KDM3A: variants seen among roughly 807,000 people sequenced by gnomAD.
KDM3A encodes lysine-specific demethylase 3A.
Under a neutral mutation model 158.0 loss-of-function variants are expected in KDM3A, and 60 were observed. The ratio of observed to expected loss-of-function variants is 0.38; its 90% CI spans 0.31 to 0.47. The LOEUF is 0.47. Ranked by LOEUF, KDM3A falls within the 20% of genes least tolerant of loss-of-function variation. KDM3A has a pLI of 0.99. For synonymous variants in KDM3A, 608 were observed against 549.3 expected (o/e 1.11, Z -1.49); for missense variants, 1,319 against 1,574.3 (o/e 0.84, Z 2.74).
At chr2:86,439,559 G>C (rs1225887710), upstream of KDM3A, among the ~76,000 whole-genome samples, 1 of 151,996 alleles carries the variant, frequency 6.6e-6, no homozygotes, top group Non-Finnish European at 1.5e-5. Flanking sequence ...AGGTTCAATA[G>C]AATTTTTCCC....
Position 86,455,138 on chromosome 2 carries a change from A to G in KDM3A, c.507A>G (p.Glu169=), listed in dbSNP as rs1672634957. Reference sequence around the variant, plus strand: ...CGGATAATCAGATTGTCAGTAAAGAATTTCAAGCTTTGATTGTGAAGCATT... The same window carrying G: ...CGGATAATCAGATTGTCAGTAAAGAGTTTCAAGCTTTGATTGTGAAGCATT... ...SLTDNQIVSK[E]FQALIVKHLD... is the part of the protein sequence containing the mutation. Residue 169 remains glutamate, a synonymous_variant, in exon 5 of 26, where the codon GAA becomes GAG. Coordinates refer to ENST00000312912, the MANE Select transcript of KDM3A (RefSeq NM_018433.6). 6.8e-6 allele frequency: 11 copies of G among 1,607,452 alleles called. No individual in the cohort carries two copies. Among genetic ancestry groups the G allele is most frequent in the South Asian group, 1.1e-5 (1 of 90,166 alleles).
chr2:86,442,359 A>G (rs1279253364), intron 2 of KDM3A, 126 bp downstream of exon 2: 6 of 869,234 alleles, frequency 6.9e-6, no homozygotes, highest in Non-Finnish European at 1.1e-5. Context: ...CTGAAGGTGC[A>G]GGAAGCTAGA....
upstream of KDM3A, among the ~76,000 whole-genome samples, chr2:86,438,722 T>C (rs191243820): frequency 6.6e-6 from 1 of 152,166 alleles, no homozygotes; most frequent in East Asian, 1.9e-4. Context: ...ATACCCCTAA[T>C]TCTAGTGTGC....
chr2:86,469,109 G>GT, intron 10 of KDM3A, among the ~76,000 whole-genome samples: 1 of 152,164 alleles, frequency 6.6e-6, no homozygotes, highest in Non-Finnish European at 1.5e-5. Context: ...GAGTAGGAGT[G>GT]TTTAAGGGAT....
rs141197543 is a variant in KDM3A at position 86,477,811 on chromosome 2, A to G, written c.1940-66A>G. 57 of 1,458,818 alleles carry G rather than the reference A, an allele frequency of 3.9e-5. No homozygotes were observed. In the East Asian group the frequency reaches 6.0e-4, roughly 15 times the overall value. The allele number at this position is 1,458,818 out of a possible 1,614,324, so 90.4% of individuals were successfully genotyped here. On this transcript the variant is annotated intron_variant, in intron 12 of 25. Coordinates refer to ENST00000312912, the MANE Select transcript of KDM3A (RefSeq NM_018433.6). Reference sequence around the variant, plus strand: ...ACAGGGAGGAATGACAATAACCCCTACCTTTCGTTTTTGGTTTCAGAAGCC... The same window carrying G: ...ACAGGGAGGAATGACAATAACCCCTGCCTTTCGTTTTTGGTTTCAGAAGCC...
chr2:86,465,161 A>G (rs1470482572), intron 9 of KDM3A, among the ~76,000 whole-genome samples: 1 of 152,198 alleles, frequency 6.6e-6, no homozygotes, highest in Non-Finnish European at 1.5e-5. Flanking sequence ...TTTTCTGGAG[A>G]AAGAACTCTA....
At chr2:86,472,328 T>C (rs902536860) in intron 11 of KDM3A, among the ~76,000 whole-genome samples, 1 of 152,172 alleles carries the variant, frequency 6.6e-6, no homozygotes, top group African/African-American at 2.4e-5. Context: ...CATATCTTGG[T>C]AAAAGAATAT....
intron 4 of KDM3A, among the ~76,000 whole-genome samples, chr2:86,453,429 G>A (rs1672553688): frequency 2.0e-5 from 3 of 152,106 alleles, no homozygotes; most frequent in African/African-American, 4.8e-5. Flanking sequence ...TTGGCATGTG[G>A]AAAAATTGGG....
rs777516495 is a variant in KDM3A, at chr2:86,464,107, A to G, written c.898A>G (p.Ile300Val). Residue 300 changes from isoleucine (I) to valine (V), a missense_variant, in exon 9 of 26, where the codon ATA (isoleucine) becomes GTA (valine). By Grantham distance (29) the Ile-to-Val change is conservative. Coordinates refer to ENST00000312912, the MANE Select transcript of KDM3A (RefSeq NM_018433.6). ...TGTACCTACAACAGTTTTTAAGGAG[A>G]TACTGCTTGGCTGTACTGCGGCAAC... ...QSVPTTVFKEILLGCTAATPP... is the reference protein window; with the variant it reads ...QSVPTTVFKEVLLGCTAATPP... 11 of 1,612,520 alleles carry G rather than the reference A, an allele frequency of 6.8e-6. No homozygotes were observed. In the South Asian group the frequency reaches 8.8e-5, roughly 13 times the overall value.
At chr2:86,463,467 A>G (rs553622045) in intron 8 of KDM3A, among the ~76,000 whole-genome samples, 2 of 152,338 alleles carry the variant, frequency 1.3e-5, no homozygotes, top group Non-Finnish European at 2.9e-5. Flanking sequence ...CAGGTGTCCC[A>G]ACTTTGCCCA....
intron 1 of KDM3A, among the ~76,000 whole-genome samples, chr2:86,441,690 G>A (rs921318376): frequency 1.3e-5 from 2 of 150,982 alleles, no homozygotes; most frequent in African/African-American, 4.8e-5. Flanking sequence ...TCTGCACCAG[G>A]GGCCTTTTCT....
At chr2:86,441,890 C>T (rs1427394202) in intron 1 of KDM3A, 128 bp from the exon 2 acceptor site, 7 of 497,152 alleles carry the variant, frequency 1.4e-5, no homozygotes, top group African/African-American at 8.3e-5. Flanking sequence ...GAGGGGGGCT[C>T]GGTGCGGGTC....
chr2:86,465,938 C>CAAAAAAA (rs10541366), intron 9 of KDM3A, among the ~76,000 whole-genome samples: 4 of 118,046 alleles, frequency 3.4e-5, no homozygotes, highest in Non-Finnish European at 7.2e-5. Context: ...AATTTACACA[C>CAAAAAAA]AAAAAAAAAA....
chr2:86,451,966 CTA>C (rs887026878), intron 4 of KDM3A, among the ~76,000 whole-genome samples: 10 of 152,140 alleles, frequency 6.6e-5, no homozygotes, highest in African/African-American at 2.4e-4. Flanking sequence ...TTTGTAGATT[CTA>C]TGTTTGTGAA....
rs775740738 is a variant in KDM3A, at chr2:86,457,081, A to G, written c.843+10A>G. The G allele has an allele frequency of 1.4e-6, 2 of 1,457,854 alleles. No individual in the cohort carries two copies. Among genetic ancestry groups the G allele is most frequent in the South Asian group, 2.7e-5 (2 of 75,142 alleles). The allele number at this position is 1,457,854 out of a possible 1,614,324, so 90.3% of individuals were successfully genotyped here. On this transcript the variant is annotated intron_variant, in intron 8 of 25. Coordinates refer to ENST00000312912, the MANE Select transcript of KDM3A (RefSeq NM_018433.6). Reference sequence around the variant, plus strand: ...AAAATCTTGCTCTGAGGTAACCTTTATTTATGTCACTTGTGTAAAGCTTTC... The same window carrying G: ...AAAATCTTGCTCTGAGGTAACCTTTGTTTATGTCACTTGTGTAAAGCTTTC...
intron 2 of KDM3A, among the ~76,000 whole-genome samples, chr2:86,448,549 C>CT (rs1683043836): frequency 6.6e-6 from 1 of 152,108 alleles, no homozygotes; most frequent in African/African-American, 2.4e-5. Context: ...AAGTACAAAA[C>CT]TTTGAGTACA....
intron 9 of KDM3A, 85 bp downstream of exon 9, chr2:86,464,301 C>A: frequency 1.9e-6 from 2 of 1,069,906 alleles, no homozygotes; most frequent in Non-Finnish European, 1.3e-6. Flanking sequence ...CCCTGGTTGT[C>A]CAGGGAGGTT....
chr2:86,468,289 A>G (rs1253198008), intron 10 of KDM3A, among the ~76,000 whole-genome samples: 1 of 152,236 alleles, frequency 6.6e-6, no homozygotes, highest in Non-Finnish European at 1.5e-5. Context: ...ATTGCATAAG[A>G]TTATCCTGTT....
At chr2:86,491,429 C>CT (rs1674451332) in intron 25 of KDM3A, 154 bp downstream of exon 25, 2 of 683,652 alleles carry the variant, frequency 2.9e-6, no homozygotes, top group East Asian at 5.2e-5. Flanking sequence ...CTACTATCTA[C>CT]TTAAGTGAGG....
Sources: allele counts gnomAD v4.1 joint callset (sites outside exome capture counted in the v4.1 genomes callset), GRCh38; gene constraint gnomAD v4.1.1; transcripts MANE v1.5; gene names NCBI Gene and HGNC (gene_info 2026-07-23, HGNC 2026-07-21).